The following LRRC8A variants were observed in gnomAD, a reference collection of about 807,000 sequenced individuals.
LRRC8A encodes volume-regulated anion channel subunit LRRC8A.
A neutral mutation model predicts 52.5 loss-of-function variants in LRRC8A; 24 were observed. That is an observed-to-expected ratio of 0.46 (90% CI 0.33 to 0.64). LRRC8A has a LOEUF of 0.64. LRRC8A is among the 30% of genes least tolerant of loss of function. LRRC8A has a pLI of 0.02. For missense variants in LRRC8A, 677 were observed against 1,094.7 expected (o/e 0.62, Z 5.38); for synonymous variants, 492 against 494.2 (o/e 1.00, Z 0.06).
At chr9:128,886,861 C>G (rs1006744202) in intron 2 of LRRC8A, among the ~76,000 whole-genome samples, 1 of 152,130 alleles carries the variant, frequency 6.6e-6, no homozygotes, top group African/African-American at 2.4e-5. Flanking sequence ...TTTGAGGATG[C>G]TTAGGCAGTG....
At chr9:128,897,390 T>G (rs1486326964) in intron 2 of LRRC8A, among the ~76,000 whole-genome samples, 1 of 151,582 alleles carries the variant, frequency 6.6e-6, no homozygotes, top group Non-Finnish European at 1.5e-5. Context: ...TTTTTATATT[T>G]TTAGTAGAGA....
chr9:128,888,322 A>G (rs900100978), intron 2 of LRRC8A, among the ~76,000 whole-genome samples: 5 of 152,226 alleles, frequency 3.3e-5, no homozygotes, highest in South Asian at 2.1e-4. Context: ...AATGAACCGC[A>G]TGGGCCGGCC....
intron 2 of LRRC8A, among the ~76,000 whole-genome samples, chr9:128,906,728 C>T (rs544694536): frequency 1.3e-5 from 2 of 152,340 alleles, no homozygotes; most frequent in East Asian, 3.9e-4. Flanking sequence ...TTTGCTGCAG[C>T]TTTACAGCAG....
chr9:128,915,189 G>A (rs1840753668), intron 3 of LRRC8A, among the ~76,000 whole-genome samples: 2 of 152,142 alleles, frequency 1.3e-5, no homozygotes, highest in Non-Finnish European at 1.5e-5. Context: ...ATATCCTCAG[G>A]GAATGTGGTC....
intron 2 of LRRC8A, among the ~76,000 whole-genome samples, chr9:128,897,019 C>T (rs559961642): frequency 2.5e-4 from 38 of 152,050 alleles, no homozygotes; most frequent in African/African-American, 8.9e-4. Context: ...CAGTTGTGCC[C>T]GGCTGTATTC....
At chr9:128,915,265 A>C (rs114018082) in intron 3 of LRRC8A, among the ~76,000 whole-genome samples, 9 of 152,146 alleles carry the variant, frequency 5.9e-5, no homozygotes, top group Non-Finnish European at 1.0e-4. Context: ...GTTCGTTGCT[A>C]TTCACAGGTA....
chr9:128,907,647 G>A lies in LRRC8A; in HGVS notation c.483G>A (p.Leu161=). 2 of 1,614,140 alleles carry A rather than the reference G, an allele frequency of 1.2e-6. No individual in the cohort carries two copies. The highest frequency in any genetic ancestry group is 1.7e-6 in the Non-Finnish European group (2 of 1,180,040). The change falls in exon 3 of 4, where the codon CTG becomes CTA. Residue 161 remains leucine, a synonymous_variant. Transcript: ENST00000372600. The surrounding 1 kb of genome is among the most constrained non-coding windows in gnomAD (Gnocchi z 9.3). ...SKLEHFVSIL[L]KCFDSPWTTR... is the part of the protein sequence containing the mutation. ...TGGAGCACTTTGTGTCTATCCTGCTGAAGTGCTTCGACTCGCCCTGGACCA... is the reference window on the plus strand; with the variant it reads ...TGGAGCACTTTGTGTCTATCCTGCTAAAGTGCTTCGACTCGCCCTGGACCA...
At chr9:128,887,155 T>C (rs1038240820) in intron 2 of LRRC8A, among the ~76,000 whole-genome samples, 1 of 152,162 alleles carries the variant, frequency 6.6e-6, no homozygotes, top group Non-Finnish European at 1.5e-5. Context: ...TATATGGTTT[T>C]ATACTGTTTG....
At chr9:128,890,904 A>G (rs1312374013) in intron 2 of LRRC8A, among the ~76,000 whole-genome samples, 4 of 152,120 alleles carry the variant, frequency 2.6e-5, no homozygotes, top group Non-Finnish European at 5.9e-5. Context: ...TAATCCCAGC[A>G]CTTTGGGAGG....
At chr9:128,909,578 G>C (rs1840412761) in intron 3 of LRRC8A, among the ~76,000 whole-genome samples, 1 of 152,248 alleles carries the variant, frequency 6.6e-6, no homozygotes, top group South Asian at 2.1e-4. Flanking sequence ...CAGTTCTCCT[G>C]CCTGGAGAGA....
At position 128,908,634 on chromosome 9, in the gene LRRC8A, C is replaced by T. The variant is rs761232642; in HGVS notation, c.1470C>T (p.Phe490=). The change falls in exon 3 of 4, where the codon TTC becomes TTT. Residue 490 remains phenylalanine (F), a synonymous_variant. Transcript: ENST00000372600. ...AAKIEAPALA[F]LRENLRALHI... is the part of the protein sequence containing the mutation. Reference sequence around the variant, plus strand: ...AGATTGAAGCGCCCGCGCTGGCCTTCCTGCGTGAGAACCTGCGGGCGCTGC... The same window carrying T: ...AGATTGAAGCGCCCGCGCTGGCCTTTCTGCGTGAGAACCTGCGGGCGCTGC... 2.7e-5 allele frequency: 44 copies of T among 1,612,618 alleles called. No individual in the cohort carries two copies. The Admixed American group carries it at 6.0e-4, about 22-fold the overall frequency.
chr9:128,907,987 T>G lies in LRRC8A; in HGVS notation c.823T>G (p.Phe275Val). 1.2e-6 allele frequency: 2 copies of G among 1,614,050 alleles called. No individual in the cohort carries two copies. Among genetic ancestry groups the G allele is most frequent in the Non-Finnish European group, 1.7e-6 (2 of 1,180,018 alleles). Residue 275 changes from phenylalanine (F) to valine (V), a missense_variant, in exon 3 of 4, where the codon TTC becomes GTC. This residue lies in a region of LRRC8A where 422 missense variants were observed against 741.5 expected (regional missense o/e 0.57). Transcript: ENST00000372600. This position sits in a 1 kb window ranked among gnomAD's most constrained non-coding sequence, Gnocchi z 9.3. ...MRQTIIKVIK[F>V]ILIICYTVYY... ...GCAGACCATCATCAAGGTGATCAAG[T>G]TCATCCTCATCATCTGCTACACCGT...
In LRRC8A at chr9:128,889,332, G is replaced by T. The variant is rs566206886; in HGVS notation, c.-9+3211G>T. Reference sequence around the variant, plus strand: ...CTTTGAAGATGCTTCCCCAGCAGTTGTGAGGCTGGTGGGCTACAAACAATG... The same window carrying T: ...CTTTGAAGATGCTTCCCCAGCAGTTTTGAGGCTGGTGGGCTACAAACAATG... On this transcript the variant is annotated intron_variant, in intron 2 of 3. Coordinates refer to ENST00000372600, the MANE Select transcript of LRRC8A (RefSeq NM_019594.4). Among the ~76,000 whole-genome samples the T allele has an allele frequency of 1.5e-4, 23 of 152,282 alleles. No individual in the cohort carries two copies. The South Asian group carries it at 4.8e-3, about 32-fold the overall frequency.
rs189781924 is a variant in LRRC8A, at chr9:128,900,433, A to G, written c.-8-6724A>G. ...CACTTTAAAAGCATTTGGGGGCTGG[A>G]CGCAGTGGCTCATGCCTGTAATCCC... On this transcript the variant is annotated intron_variant, in intron 2 of 3. Coordinates refer to ENST00000372600, the MANE Select transcript of LRRC8A (RefSeq NM_019594.4). Among the ~76,000 whole-genome samples, 75 of 152,330 alleles carry G rather than the reference A, an allele frequency of 4.9e-4. No individual in the cohort carries two copies. The East Asian group carries it at 0.014, about 28-fold the overall frequency.
At chr9:128,882,841 T>C (rs1400096730) in intron 1 of LRRC8A, 47 of 398,562 alleles carry the variant, frequency 1.2e-4, no homozygotes, top group Non-Finnish European at 1.9e-4. Flanking sequence ...CCTGTCCCAG[T>C]CCTGTGCATT....
rs1412153170 is a variant in LRRC8A at position 128,883,818 on chromosome 9, C to T, written c.-116+1568C>T. 3.9e-5 allele frequency among the ~76,000 whole-genome samples: 6 copies of T among 152,136 alleles called. No individual in the cohort carries two copies. In the South Asian group the frequency reaches 1.2e-3, roughly 32 times the overall value. The stretch of plus-strand genomic sequence containing the variant: ...TGAAACCTTGTCTCTACTAAAAATA[C>T]AAAAAATTAGCCAGGCATGGGGCTG... On this transcript the variant is annotated intron_variant, in intron 1 of 3. Coordinates refer to ENST00000372600, the MANE Select transcript of LRRC8A (RefSeq NM_019594.4).
At chr9:128,915,463 T>A (rs1294549831) in intron 3 of LRRC8A, among the ~76,000 whole-genome samples, 1 of 152,190 alleles carries the variant, frequency 6.6e-6, no homozygotes, top group Non-Finnish European at 1.5e-5. Flanking sequence ...TAGCTGGGAC[T>A]ACAGGCGCCC....
chr9:128,903,276 C>T (rs894492562), intron 2 of LRRC8A, among the ~76,000 whole-genome samples: 2 of 152,180 alleles, frequency 1.3e-5, no homozygotes, highest in Admixed American at 6.5e-5. Flanking sequence ...CTGTGGCCAT[C>T]ATCACCCTTG....
In LRRC8A at chr9:128,907,146, C is replaced by A; in HGVS notation, c.-8-11C>A. On this transcript the variant is annotated splice_polypyrimidine_tract_variant and intron_variant, in intron 2 of 3. Transcript: ENST00000372600. This position sits in a 1 kb window ranked among gnomAD's most constrained non-coding sequence, Gnocchi z 9.3. ...CCCTGTGCTAACCCCCCTCCTATGG[C>A]TCCCTTTTAGGTTGAACCATGATTC... 2 of 1,590,414 alleles carry A rather than the reference C, an allele frequency of 1.3e-6. No homozygotes were observed. The highest frequency in any genetic ancestry group is 8.6e-7 in the Non-Finnish European group (1 of 1,163,252).
Sources: gnomAD v4.1 joint callset for allele counts (sites outside exome capture counted in the v4.1 genomes callset) on GRCh38, gnomAD v4.1.1 for gene constraint, gnomAD v4.1.1 regional missense constraint, Gnocchi (gnomAD v3.1) non-coding constraint, MANE v1.5 for transcripts, NCBI Gene and HGNC (gene_info 2026-07-23, HGNC 2026-07-21) for gene names.